Variants in KLRG2 observed in about 807,000 individuals in gnomAD.
The protein encoded by KLRG2 is killer cell lectin like receptor G2, also known as killer cell lectin-like receptor subfamily G member 2.
Under a neutral mutation model 35.4 loss-of-function variants are expected in KLRG2, and 39 were observed. The observed-to-expected ratio is 1.10, with a 90% CI of 0.85 to 1.44. The LOEUF is 1.44. Among genes scored for constraint, KLRG2 ranks in the 40% most tolerant of loss-of-function variants. The probability of loss-of-function intolerance (pLI) is 0.00; values close to 1 mark genes in which losing one functional copy is unlikely to be tolerated. For synonymous variants in KLRG2, 283 were observed against 265.8 expected, an observed-to-expected ratio of 1.06 and a Z score of -0.63; for missense variants, 632 against 570.9, an observed-to-expected ratio of 1.11 and a Z score of -1.09.
chr7:139,434,602 A>T, the KLRG2 span, among the ~76,000 whole-genome samples: 60 of 152,320 alleles, frequency 3.9e-4, no homozygotes, highest in African/African-American at 1.4e-3. Flanking sequence ...CCTGTTTTTT[A>T]AAAGTATTTA....
rs569418735 is a variant in KLRG2 at position 139,477,882 on chromosome 7, T to C, written c.1005+1745A>G. On this transcript the variant is annotated intron_variant, in intron 3 of 4. Transcript: ENST00000340940. ...CATGCCATTCTCCTGCCTCAGCCTC[T>C]GGAGTAGCTGGGACTACAGGCGCCC... Among the ~76,000 whole-genome samples, 749 of 152,030 alleles carry C rather than the reference T, an allele frequency of 4.9e-3. 7 individuals carry two copies. The highest frequency in any genetic ancestry group is 0.017 in the African/African-American group (704 of 41,492).
chr7:139,454,731 G>C (rs923197046), intron 3 of KLRG2, among the ~76,000 whole-genome samples: 2 of 151,602 alleles, frequency 1.3e-5, no homozygotes, highest in Non-Finnish European at 2.9e-5. Context: ...CAGGAGAATC[G>C]CTTGAGCCCA....
chr7:139,429,347 C>A, the KLRG2 span, among the ~76,000 whole-genome samples: 1 of 151,450 alleles, frequency 6.6e-6, no homozygotes, highest in Non-Finnish European at 1.5e-5. Context: ...TCGTTCTTTT[C>A]TGGAGGCCAT....
intron 1 of KLRG2, among the ~76,000 whole-genome samples, chr7:139,481,540 C>T (rs1357574854): frequency 2.6e-5 from 4 of 152,122 alleles, no homozygotes; most frequent in Non-Finnish European, 1.5e-5. Flanking sequence ...GCCTGCTGGG[C>T]GGGGCTCTGA....
chr7:139,433,512 G>C, the KLRG2 span, among the ~76,000 whole-genome samples: 4 of 152,056 alleles, frequency 2.6e-5, no homozygotes, highest in African/African-American at 9.7e-5. Flanking sequence ...TTTTAGTAGA[G>C]ACGGGGTTTC....
chr7:139,483,406 G>C lies in KLRG2; in HGVS notation c.237C>G (p.Arg79=). The C allele has an allele frequency of 6.5e-7, 1 of 1,543,642 alleles. No homozygotes were observed. Among genetic ancestry groups the C allele is most frequent in the African/African-American group, 1.4e-5 (1 of 70,640 alleles). Residue 79 remains arginine, a synonymous_variant, in exon 1 of 5, where the codon CGC becomes CGG. Transcript: ENST00000340940. ...KPPSPRPGSP[R]VPPLSLGYGV... The stretch of plus-strand genomic sequence containing the variant: ...CGTAGCCCAGGCTGAGCGGCGGCAC[G>C]CGCGGGGACCCGGGGCGAGGCGAAG...
the KLRG2 span, among the ~76,000 whole-genome samples, chr7:139,429,662 A>G: frequency 3.3e-5 from 5 of 152,072 alleles, no homozygotes; most frequent in African/African-American, 9.7e-5. Context: ...TGGACACAGC[A>G]CATGTTTCAG....
chr7:139,429,254 TGAG>T, the KLRG2 span, among the ~76,000 whole-genome samples: 9 of 152,304 alleles, frequency 5.9e-5, no homozygotes, highest in Middle Eastern at 3.4e-3. Context: ...TGCAGTGGGC[TGAG>T]ATTTTGCCAC....
the KLRG2 span, among the ~76,000 whole-genome samples, chr7:139,437,309 C>T: frequency 6.6e-6 from 1 of 151,516 alleles, no homozygotes; most frequent in Non-Finnish European, 1.5e-5. Flanking sequence ...CCTGTAGTCC[C>T]AGCTACTCGG....
At chr7:139,454,251 A>G (rs773223832) in intron 3 of KLRG2, 37 bp from the exon 4 acceptor site, 22 of 1,054,720 alleles carry the variant, frequency 2.1e-5, no homozygotes, top group East Asian at 1.8e-4. Context: ...TCCCCTGGAC[A>G]CTGGCGTGGC....
chr7:139,440,123 T>C, the KLRG2 span, among the ~76,000 whole-genome samples: 2 of 152,084 alleles, frequency 1.3e-5, no homozygotes, highest in Non-Finnish European at 2.9e-5. Flanking sequence ...TTTCTACTTA[T>C]TTTAAAGACA....
intron 3 of KLRG2, among the ~76,000 whole-genome samples, chr7:139,467,982 C>A (rs934981022): frequency 6.6e-6 from 1 of 152,168 alleles, no homozygotes. Flanking sequence ...AGGGGAAAAC[C>A]GCCTTAGGGC....
At chr7:139,449,022 C>T (rs1236014933), downstream of KLRG2, among the ~76,000 whole-genome samples, 1 of 151,442 alleles carries the variant, frequency 6.6e-6, no homozygotes, top group Non-Finnish European at 1.5e-5. Context: ...CAGAGAATTG[C>T]TTGAACCTGG....
chr7:139,480,439 C>CTTTTTTTTTTTTTTTTTTTTTTTTTTTT (rs892455272), intron 1 of KLRG2, among the ~76,000 whole-genome samples, 192 bp from the exon 2 acceptor site: 1 of 85,202 alleles, frequency 1.2e-5, no homozygotes, highest in Non-Finnish European at 2.1e-5. Flanking sequence ...GCCAGATATT[C>CTTTTTTTTTTTTTTTTTTTTTTTTTTTT]TTTTTTTTTT....
chr7:139,431,339 C>T, the KLRG2 span, among the ~76,000 whole-genome samples: 1 of 152,138 alleles, frequency 6.6e-6, no homozygotes, highest in African/African-American at 2.4e-5. Flanking sequence ...TACATGGGTG[C>T]CTACATTTGT....
At chr7:139,428,414 T>A in the KLRG2 span, among the ~76,000 whole-genome samples, 4 of 151,908 alleles carry the variant, frequency 2.6e-5, no homozygotes, top group East Asian at 1.9e-4. Flanking sequence ...AGCTAATTTT[T>A]TAAAAAATTT....
chr7:139,448,830 C>G (rs1796337602), downstream of KLRG2: 1 of 152,086 alleles, frequency 6.6e-6, no homozygotes, highest in African/African-American at 2.4e-5. Flanking sequence ...AAAAATTGGA[C>G]AGGCACAGTG....
At chr7:139,437,365 C>T in the KLRG2 span, among the ~76,000 whole-genome samples, 5 of 135,452 alleles carry the variant, frequency 3.7e-5, no homozygotes, top group Admixed American at 3.5e-4. Context: ...ACGGTGGTTG[C>T]AGTAAGCCAA....
chr7:139,432,150 G>T, the KLRG2 span, among the ~76,000 whole-genome samples: 3 of 152,026 alleles, frequency 2.0e-5, no homozygotes, highest in African/African-American at 7.2e-5. Context: ...GAGCCCAGGA[G>T]TTCAAGCCCA....
Sources: gnomAD v4.1 joint callset for allele counts (sites outside exome capture counted in the v4.1 genomes callset) on GRCh38, gnomAD v4.1.1 for gene constraint, MANE v1.5 for transcripts, NCBI Gene and HGNC (gene_info 2026-07-23, HGNC 2026-07-21) for gene names.